The following DLGAP4 variants were observed in gnomAD, a reference collection of about 807,000 sequenced individuals.
DLGAP4 encodes the protein DLG associated protein 4.
In DLGAP4, 18 loss-of-function variants were observed where a neutral mutation model predicts 86.9. That is an observed-to-expected ratio of 0.21 (90% CI 0.14 to 0.31). The LOEUF (loss-of-function observed/expected upper bound fraction) is 0.31, where lower values mean the gene tolerates loss of function less well. Ranked by LOEUF, DLGAP4 falls within the 10% of genes least tolerant of loss-of-function variation. The pLI is 1.00. For synonymous variants in DLGAP4, 548 were observed against 574.3 expected (o/e 0.95, Z 0.65); for missense variants, 1,085 against 1,362.6 (o/e 0.80, Z 3.21).
chr20:36,439,764 C>A lies in DLGAP4; in HGVS notation c.1252C>A (p.Arg418Ser), dbSNP rs368835058. Residue 418 changes from arginine to serine, a missense_variant, in exon 5 of 13, where the codon CGC (arginine) becomes AGC (serine). Arg to Ser is a moderately radical substitution (Grantham distance 110). This residue lies in a region of DLGAP4 where 1,082 missense variants were observed against 1,344.1 expected (regional missense o/e 0.81). Transcript: ENST00000339266. ...CCCACTCCCCACCAGGAGTCTGGACCGCCTGGATTCAGTGGACATGCTGCT... is the reference window on the plus strand; with the variant it reads ...CCCACTCCCCACCAGGAGTCTGGACAGCCTGGATTCAGTGGACATGCTGCT... The part of the protein sequence containing the change: ...EQSNPRRSLD[R>S]LDSVDMLLPS... The A allele has an allele frequency of 6.2e-7, 1 of 1,613,106 alleles. No homozygotes were observed. The highest frequency in any genetic ancestry group is 8.5e-7 in the Non-Finnish European group (1 of 1,179,856).
chr20:36,454,641 G>T (rs544184421), intron 7 of DLGAP4, among the ~76,000 whole-genome samples: 12 of 152,132 alleles, frequency 7.9e-5, no homozygotes, highest in Non-Finnish European at 5.9e-5. Context: ...GTGAGCAATC[G>T]GGTCCTTTCT....
At chr20:36,402,337 A>C (rs1213486849) in intron 2 of DLGAP4, among the ~76,000 whole-genome samples, 9 of 152,194 alleles carry the variant, frequency 5.9e-5, no homozygotes, top group Admixed American at 5.9e-4. Flanking sequence ...CCTCTATAAA[A>C]GAAAAGGCAT....
intron 10 of DLGAP4, among the ~76,000 whole-genome samples, chr20:36,506,799 TA>T (rs1372409382): frequency 6.6e-6 from 1 of 152,186 alleles, no homozygotes; most frequent in African/African-American, 2.4e-5. Context: ...TGAAATTCTG[TA>T]CCCATTAAAC....
chr20:36,525,247 A>AAAC (rs2037660993), intron 11 of DLGAP4, among the ~76,000 whole-genome samples: 1 of 75,656 alleles, frequency 1.3e-5, no homozygotes, highest in Non-Finnish European at 3.8e-5. Flanking sequence ...AAAAAAAAAA[A>AAAC]AAAAAAACAA....
In DLGAP4 at chr20:36,500,252, C is replaced by G. The variant is rs1409326158; in HGVS notation, c.2153C>G (p.Thr718Ser). 2 of 1,601,144 alleles carry G rather than the reference C, an allele frequency of 1.2e-6. No homozygotes were observed. The highest frequency in any genetic ancestry group is 3.4e-5 in the Admixed American group (2 of 59,120). Reference protein sequence around the residue: ...MSSRRDTDSDTQDANDSSCKS... With the variant: ...MSSRRDTDSDSQDANDSSCKS... ...TCCCGACGGGACACAGACTCGGATA[C>G]CCAGGATGCCAATGACTCAAGCTGT... The change falls in exon 10 of 13, where the codon ACC (threonine) becomes AGC (serine). Residue 718 changes from threonine (T) to serine (S), a missense_variant. This residue lies in a region of DLGAP4 where 1,082 missense variants were observed against 1,344.1 expected (regional missense o/e 0.81). Coordinates refer to ENST00000339266, the MANE Select transcript of DLGAP4 (RefSeq NM_001365621.2). This position sits in a 1 kb window ranked among gnomAD's most constrained non-coding sequence, Gnocchi z 4.6.
At chr20:36,323,008 C>T (rs2065183653) in intron 1 of DLGAP4, among the ~76,000 whole-genome samples, 2 of 151,632 alleles carry the variant, frequency 1.3e-5, no homozygotes, top group South Asian at 4.2e-4. Context: ...AACCCCATCT[C>T]TACAAAAGAT....
At chr20:36,517,018 G>A (rs966382197) in intron 10 of DLGAP4, among the ~76,000 whole-genome samples, 13 of 151,290 alleles carry the variant, frequency 8.6e-5, no homozygotes, top group Non-Finnish European at 1.6e-4. Context: ...CGCCCGCCTC[G>A]GCCTCCCAGA....
chr20:36,327,615 G>A (rs184467698), intron 1 of DLGAP4, among the ~76,000 whole-genome samples: 2,634 of 135,168 alleles, frequency 0.019, 76 homozygotes, highest in Admixed American at 0.075. Context: ...TTTTTGAGAC[G>A]GAGTCTCGCT....
chr20:36,487,979 A>C (rs959113407), intron 7 of DLGAP4, among the ~76,000 whole-genome samples: 1 of 152,108 alleles, frequency 6.6e-6, no homozygotes, highest in African/African-American at 2.4e-5. Context: ...AGGCGGGTGG[A>C]TCACGAGGTT....
At chr20:36,330,509 T>C (rs1487177890) in intron 1 of DLGAP4, among the ~76,000 whole-genome samples, 1 of 152,002 alleles carries the variant, frequency 6.6e-6, no homozygotes, top group Non-Finnish European at 1.5e-5. Flanking sequence ...AAAATGTGCC[T>C]CTATGGGACC....
At chr20:36,478,548 G>A (rs1315580505) in intron 7 of DLGAP4, among the ~76,000 whole-genome samples, 1 of 152,206 alleles carries the variant, frequency 6.6e-6, no homozygotes, top group Non-Finnish European at 1.5e-5. Context: ...GATGTTTCTT[G>A]GGATGCTGCC....
intron 7 of DLGAP4, among the ~76,000 whole-genome samples, chr20:36,478,576 TGA>T (rs2035047725): frequency 1.3e-5 from 2 of 152,348 alleles, no homozygotes; most frequent in South Asian, 4.1e-4. Context: ...GGGATGTTTA[TGA>T]GAGTGTACTG....
At chr20:36,362,874 T>G (rs1257813765) in intron 1 of DLGAP4, among the ~76,000 whole-genome samples, 1 of 152,108 alleles carries the variant, frequency 6.6e-6, no homozygotes, top group Non-Finnish European at 1.5e-5. Flanking sequence ...ACTTGCTGAA[T>G]TCATTTGAGC....
In DLGAP4 at chr20:36,408,440, T is replaced by C. The variant is rs542731676; in HGVS notation, c.-72-23206T>C. 2.0e-5 allele frequency among the ~76,000 whole-genome samples: 3 copies of C among 152,276 alleles called. No homozygotes were observed. The South Asian group carries it at 6.2e-4, about 32-fold the overall frequency. ...CATCCGTCATTGGTTGAGGGCTGCT[T>C]CCGCGGGCATCATCTCCCGGATATT... On this transcript the variant is annotated intron_variant, in intron 2 of 12. Coordinates refer to ENST00000339266, the MANE Select transcript of DLGAP4 (RefSeq NM_001365621.2).
At chr20:36,523,039 T>G (rs577900348) in intron 10 of DLGAP4, among the ~76,000 whole-genome samples, 21 of 152,202 alleles carry the variant, frequency 1.4e-4, no homozygotes, top group South Asian at 1.0e-3. Flanking sequence ...AGATGGACTT[T>G]TATACCCCGT....
chr20:36,336,809 C>T (rs1486705023), intron 1 of DLGAP4, among the ~76,000 whole-genome samples: 1 of 152,282 alleles, frequency 6.6e-6, no homozygotes, highest in South Asian at 2.1e-4. Flanking sequence ...CCAGAGTGGG[C>T]GTCAGTCCAG....
At chr20:36,501,279 T>TG (rs2036134638) in intron 10 of DLGAP4, among the ~76,000 whole-genome samples, 1 of 152,090 alleles carries the variant, frequency 6.6e-6, no homozygotes, top group Non-Finnish European at 1.5e-5. Context: ...TTGGCCAGGC[T>TG]GGTCTCGAAC....
At chr20:36,377,979 G>C (rs1417012176) in intron 2 of DLGAP4, among the ~76,000 whole-genome samples, 1 of 152,202 alleles carries the variant, frequency 6.6e-6, no homozygotes, top group Non-Finnish European at 1.5e-5. Flanking sequence ...CCTCGGGCCT[G>C]GTCCTTCCAG....
At chr20:36,334,458 C>T (rs1234690075) in intron 1 of DLGAP4, among the ~76,000 whole-genome samples, 2 of 152,204 alleles carry the variant, frequency 1.3e-5, no homozygotes, top group East Asian at 1.9e-4. Flanking sequence ...GGCATAGCAG[C>T]GGAGACAGGG....
Sources: allele counts gnomAD v4.1 joint callset (sites outside exome capture counted in the v4.1 genomes callset), GRCh38; gene constraint gnomAD v4.1.1; regional missense constraint gnomAD v4.1.1; non-coding constraint Gnocchi (gnomAD v3.1); transcripts MANE v1.5; gene names NCBI Gene and HGNC (gene_info 2026-07-23, HGNC 2026-07-21).